Variants in BCAS4 observed in about 807,000 individuals in gnomAD.
BCAS4 encodes the protein breast carcinoma-amplified sequence 4.
In BCAS4, 9 loss-of-function variants were observed where a neutral mutation model predicts 15.7. The ratio of observed to expected loss-of-function variants is 0.57; its 90% confidence interval spans 0.34 to 1.00. The LOEUF (loss-of-function observed/expected upper bound fraction) is 1.00, where lower values mean the gene tolerates loss of function less well. Among genes scored for constraint, BCAS4 ranks in the 50% least tolerant of loss-of-function variants. The pLI, the probability that BCAS4 is intolerant of heterozygous loss-of-function variation, is 0.02. For synonymous variants in BCAS4, 101 were observed against 99.5 expected (o/e 1.02, Z -0.09); for missense variants, 225 against 239.1 (o/e 0.94, Z 0.39).
chr20:50,855,849 G>C (rs149323460), intron 4 of BCAS4, among the ~76,000 whole-genome samples: 4 of 152,358 alleles, frequency 2.6e-5, no homozygotes, highest in African/African-American at 9.6e-5. Context: ...CTGGGTCCCC[G>C]CCTGGGCTTA....
intron 4 of BCAS4, among the ~76,000 whole-genome samples, chr20:50,848,945 CT>C (rs2088578591): frequency 1.3e-5 from 2 of 152,266 alleles, no homozygotes; most frequent in African/African-American, 4.8e-5. Flanking sequence ...CCAGCGCCTG[CT>C]TGCGGAGGGC....
intron 4 of BCAS4, among the ~76,000 whole-genome samples, chr20:50,853,140 T>G (rs1244572187): frequency 9.6e-6 from 1 of 104,598 alleles, no homozygotes; most frequent in African/African-American, 5.9e-5. Context: ...TCCCCTTTCA[T>G]TTTTTTTTTT....
intron 4 of BCAS4, among the ~76,000 whole-genome samples, chr20:50,867,035 G>A (rs1979392173): frequency 6.6e-6 from 1 of 151,950 alleles, no homozygotes; most frequent in Non-Finnish European, 1.5e-5. Flanking sequence ...TTCTTCTGTT[G>A]ACTTTAAAAA....
intron 2 of BCAS4, among the ~76,000 whole-genome samples, chr20:50,823,230 C>T (rs545541782): frequency 6.6e-6 from 1 of 152,082 alleles, no homozygotes; most frequent in Non-Finnish European, 1.5e-5. Context: ...GTACCAGCTA[C>T]TTGGGAAGCT....
chr20:50,803,309 T>C (rs1383207230), intron 1 of BCAS4, among the ~76,000 whole-genome samples: 1 of 152,254 alleles, frequency 6.6e-6, no homozygotes, highest in Non-Finnish European at 1.5e-5. Flanking sequence ...CTTTTGCCCA[T>C]GCACAGCAGC....
chr20:50,823,930 T>G (rs1224821424), intron 2 of BCAS4, among the ~76,000 whole-genome samples: 1 of 152,126 alleles, frequency 6.6e-6, no homozygotes, highest in Non-Finnish European at 1.5e-5. Flanking sequence ...GAACTTTCCT[T>G]TGTGTCACTT....
chr20:50,871,044 G>A (rs1600906260), intron 4 of BCAS4, among the ~76,000 whole-genome samples: 1 of 152,372 alleles, frequency 6.6e-6, no homozygotes, highest in Middle Eastern at 3.4e-3. Context: ...CTGGACCCCA[G>A]CGGGGACTCA....
intron 2 of BCAS4, among the ~76,000 whole-genome samples, chr20:50,824,816 T>G (rs1015429964): frequency 9.2e-5 from 14 of 152,234 alleles, no homozygotes; most frequent in East Asian, 1.9e-4. Flanking sequence ...GCTCAGTGTG[T>G]CCAGGTCTCC....
chr20:50,866,951 A>C (rs1392720163), intron 4 of BCAS4, among the ~76,000 whole-genome samples: 2 of 152,034 alleles, frequency 1.3e-5, no homozygotes, highest in South Asian at 2.1e-4. Flanking sequence ...GCACTCTGTA[A>C]ATGCTCCGTT....
intron 4 of BCAS4, among the ~76,000 whole-genome samples, chr20:50,865,686 C>T (rs573109061): frequency 6.7e-4 from 102 of 152,304 alleles, no homozygotes; most frequent in African/African-American, 2.4e-3. Flanking sequence ...CGGCAGCCTC[C>T]CATGTCCACC....
intron 2 of BCAS4, among the ~76,000 whole-genome samples, chr20:50,821,016 A>C (rs978124186): frequency 1.3e-5 from 2 of 152,044 alleles, no homozygotes; most frequent in Admixed American, 6.6e-5. Context: ...ACTCATTCCT[A>C]CCTTGCAAGC....
In BCAS4 at chr20:50,818,326, C is replaced by T. The variant is rs201012008; in HGVS notation, c.162+44C>T. On this transcript the variant is annotated intron_variant, in intron 2 of 4. Coordinates refer to ENST00000371608, the MANE Select transcript of BCAS4 (RefSeq NM_198799.4). ...GGCGTGGGTTTAGGCCCAGGCCAGA[C>T]TTCAGGCCCTTGCTGGAGTTTTCTG... 66 of 1,187,756 alleles carry T rather than the reference C, an allele frequency of 5.6e-5. No homozygotes were observed. The Admixed American group carries it at 1.7e-3, about 31-fold the overall frequency. 73.6% of individuals were successfully genotyped at this position (1,187,756 alleles called of 1,614,324 possible). A position where few individuals can be genotyped will look rare whatever the true frequency, so the allele number is the denominator to read the frequency against.
chr20:50,805,522 C>T (rs1458604580), intron 1 of BCAS4, among the ~76,000 whole-genome samples: 1 of 152,126 alleles, frequency 6.6e-6, no homozygotes, highest in Non-Finnish European at 1.5e-5. Flanking sequence ...AAGCTGGGGC[C>T]CAGTAGCAGC....
At chr20:50,845,570 G>A (rs952063874) in intron 4 of BCAS4, among the ~76,000 whole-genome samples, 2 of 152,156 alleles carry the variant, frequency 1.3e-5, no homozygotes, top group East Asian at 3.9e-4. Flanking sequence ...GGCTCGGAGA[G>A]CTTTGGTTTC....
intron 4 of BCAS4, among the ~76,000 whole-genome samples, chr20:50,869,742 C>G (rs1393603785): frequency 1.3e-5 from 1 of 77,640 alleles, no homozygotes; most frequent in Non-Finnish European, 2.3e-5. Context: ...CCTGGCACTG[C>G]TTTTTTTTTT....
chr20:50,877,909 A>G (rs1310706274), downstream of BCAS4: 1 of 151,804 alleles, frequency 6.6e-6, no homozygotes, highest in African/African-American at 2.4e-5. Flanking sequence ...AAAATACAAA[A>G]ATTAGCCTGG....
chr20:50,854,346 T>C (rs968646683), intron 4 of BCAS4, among the ~76,000 whole-genome samples: 1 of 152,142 alleles, frequency 6.6e-6, no homozygotes, highest in Admixed American at 6.5e-5. Context: ...AGCTTCTATG[T>C]AGCAGTATTC....
At chr20:50,846,153 C>A (rs1167796685) in intron 4 of BCAS4, among the ~76,000 whole-genome samples, 1 of 152,248 alleles carries the variant, frequency 6.6e-6, no homozygotes, top group Non-Finnish European at 1.5e-5. Context: ...ACATGTATTT[C>A]ATGGCACAAA....
At chr20:50,799,106 C>T (rs2087899076) in intron 1 of BCAS4, among the ~76,000 whole-genome samples, 1 of 152,186 alleles carries the variant, frequency 6.6e-6, no homozygotes, top group South Asian at 2.1e-4. Flanking sequence ...CTTTAGCATC[C>T]TGAGTGCATT....
Sources: gnomAD v4.1 joint callset for allele counts (sites outside exome capture counted in the v4.1 genomes callset) on GRCh38, gnomAD v4.1.1 for gene constraint, MANE v1.5 for transcripts, NCBI Gene and HGNC (gene_info 2026-07-23, HGNC 2026-07-21) for gene names.